DSCAM: variants seen among roughly 807,000 people sequenced by gnomAD.
DSCAM encodes the protein cell adhesion molecule DSCAM.
DSCAM carries 47 observed loss-of-function variants against 217.7 expected under a neutral mutation model. That is an observed-to-expected ratio of 0.22 (90% confidence interval 0.17 to 0.28). DSCAM has a LOEUF of 0.28. Among genes scored for constraint, DSCAM ranks in the 10% least tolerant of loss-of-function variants. DSCAM has a pLI of 1.00. For missense variants in DSCAM, 2,080 were observed against 2,618.3 expected (o/e 0.79, Z 4.49); for synonymous variants, 1,056 against 1,015.3 (o/e 1.04, Z -0.76).
At chr21:40,147,637 A>G (rs1474494) in intron 16 of DSCAM, among the ~76,000 whole-genome samples, 72,159 of 152,070 alleles carry the variant, frequency 0.47, 19,755 homozygotes, top group South Asian at 0.63. Flanking sequence ...ATCCAATGCA[A>G]TTCTATTCAC....
At chr21:40,669,675 C>T (rs1411571094) in intron 3 of DSCAM, among the ~76,000 whole-genome samples, 1 of 151,222 alleles carries the variant, frequency 6.6e-6, no homozygotes, top group Admixed American at 6.6e-5. Context: ...ATCTCCCGGG[C>T]TCAAGCAATT....
At chr21:40,621,754 A>G (rs1227581892) in intron 3 of DSCAM, among the ~76,000 whole-genome samples, 1 of 152,008 alleles carries the variant, frequency 6.6e-6, no homozygotes, top group East Asian at 1.9e-4. Context: ...GGCCATGTAC[A>G]GAGATGGCCC....
At chr21:40,287,260 C>T (rs1037139927) in intron 10 of DSCAM, among the ~76,000 whole-genome samples, 1 of 152,236 alleles carries the variant, frequency 6.6e-6, no homozygotes, top group African/African-American at 2.4e-5. Flanking sequence ...TGAGCCCTCT[C>T]TTGACTGCTG....
chr21:40,542,714 T>C (rs2076551435), intron 3 of DSCAM, among the ~76,000 whole-genome samples: 1 of 152,190 alleles, frequency 6.6e-6, no homozygotes, highest in Admixed American at 6.5e-5. Context: ...TGTCTGCTGT[T>C]TCTAAGCCAC....
intron 3 of DSCAM, among the ~76,000 whole-genome samples, chr21:40,559,385 G>C (rs1397179902): frequency 1.3e-5 from 2 of 152,030 alleles, no homozygotes; most frequent in South Asian, 2.1e-4. Flanking sequence ...GTAAACCCGG[G>C]GGGTGGAGCT....
intron 3 of DSCAM, among the ~76,000 whole-genome samples, chr21:40,493,632 C>T (rs2076093558): frequency 6.6e-6 from 1 of 151,886 alleles, no homozygotes; most frequent in Admixed American, 6.6e-5. Context: ...GAGGCCGAGG[C>T]AGGTGGATCC....
intron 3 of DSCAM, among the ~76,000 whole-genome samples, chr21:40,530,342 T>C (rs892630009): frequency 6.6e-6 from 1 of 152,196 alleles, no homozygotes. Flanking sequence ...AACTACAGGT[T>C]AAAAAAAGTT....
chr21:40,738,781 G>T (rs901268774), intron 1 of DSCAM, among the ~76,000 whole-genome samples: 1 of 152,216 alleles, frequency 6.6e-6, no homozygotes, highest in Non-Finnish European at 1.5e-5. Flanking sequence ...GAGAAGCAAA[G>T]TCCTAGAACC....
chr21:40,243,864 C>T (rs900817783), intron 11 of DSCAM, among the ~76,000 whole-genome samples: 5 of 151,970 alleles, frequency 3.3e-5, no homozygotes, highest in Admixed American at 6.5e-5. Flanking sequence ...GACGGTCTAC[C>T]GGGGCAGTGA....
chr21:40,369,335 C>T, intron 3 of DSCAM, 90 bp from the exon 4 acceptor site: 1 of 1,352,372 alleles, frequency 7.4e-7, no homozygotes, highest in East Asian at 2.4e-5. Context: ...TTTTTTTTCC[C>T]CCACCTGAAG....
intron 10 of DSCAM, among the ~76,000 whole-genome samples, chr21:40,282,448 G>T (rs892987998): frequency 6.6e-6 from 1 of 151,418 alleles, no homozygotes; most frequent in African/African-American, 2.4e-5. Flanking sequence ...AAAATTAGCC[G>T]GGCGTGGTAG....
At chr21:40,805,220 G>T (rs1472734893) in intron 1 of DSCAM, among the ~76,000 whole-genome samples, 1 of 152,142 alleles carries the variant, frequency 6.6e-6, no homozygotes, top group Non-Finnish European at 1.5e-5. Context: ...CTTAATATGA[G>T]CCAAGTATCT....
rs1722152545 is a variant in DSCAM, at chr21:40,634,078, A to G, written c.508+58732T>C. 2.0e-5 allele frequency among the ~76,000 whole-genome samples: 3 copies of G among 152,210 alleles called. No individual in the cohort carries two copies. The South Asian group carries it at 6.2e-4, about 31-fold the overall frequency. On this transcript the variant is annotated intron_variant, in intron 3 of 32. Transcript: ENST00000400454. ...ATTCCTTAGTGGGATATGCTCCTTT[A>G]TATCCCAATATAAAGGAATCTCAAA...
At chr21:40,466,149 G>T (rs2075843529) in intron 3 of DSCAM, among the ~76,000 whole-genome samples, 1 of 152,166 alleles carries the variant, frequency 6.6e-6, no homozygotes, top group South Asian at 2.1e-4. Context: ...AACAACTAAG[G>T]AGTTGCTGGA....
intron 1 of DSCAM, among the ~76,000 whole-genome samples, chr21:40,778,984 A>G (rs2091514616): frequency 7.2e-6 from 1 of 138,954 alleles, no homozygotes; most frequent in African/African-American, 2.7e-5. Context: ...ACATCGTGCC[A>G]TTGCACTCCA....
At chr21:40,770,235 T>A (rs1010466536) in intron 1 of DSCAM, among the ~76,000 whole-genome samples, 1 of 152,254 alleles carries the variant, frequency 6.6e-6, no homozygotes, top group African/African-American at 2.4e-5. Context: ...CTTAAAAGAC[T>A]GGTCTCCTTA....
intron 3 of DSCAM, among the ~76,000 whole-genome samples, chr21:40,665,045 C>A (rs924477313): frequency 3.3e-5 from 5 of 152,198 alleles, no homozygotes; most frequent in Non-Finnish European, 7.3e-5. Context: ...GCCATGATTG[C>A]AAGCTTCCTG....
intron 8 of DSCAM, among the ~76,000 whole-genome samples, chr21:40,336,063 C>T (rs537839361): frequency 5.3e-5 from 8 of 152,252 alleles, no homozygotes; most frequent in African/African-American, 1.4e-4. Flanking sequence ...CTAAAGCTCA[C>T]GTTATTTTTA....
Position 40,145,713 on chromosome 21 carries a change from T to C in DSCAM, c.3019-982A>G, listed in dbSNP as rs192400549. 2.4e-3 allele frequency among the ~76,000 whole-genome samples: 365 copies of C among 152,138 alleles called. 1 individual carries two copies. Among genetic ancestry groups the C allele is most frequent in the African/African-American group, 8.3e-3 (346 of 41,504 alleles). On this transcript the variant is annotated intron_variant, in intron 16 of 32. Transcript: ENST00000400454. ...TACAAAAATTAGCCAGGCATGGTGG[T>C]GGGTGTCTGTAGTCCCAGCTACCTG... is the stretch of plus-strand genomic sequence containing the variant.
Sources: gnomAD v4.1 joint callset for allele counts (sites outside exome capture counted in the v4.1 genomes callset) on GRCh38, gnomAD v4.1.1 for gene constraint, MANE v1.5 for transcripts, NCBI Gene and HGNC (gene_info 2026-07-23, HGNC 2026-07-21) for gene names.